Variants in XKR4 observed in about 807,000 individuals in gnomAD.
XKR4 encodes XK related 4.
XKR4 carries 12 observed loss-of-function variants against 53.9 expected under a neutral mutation model. The ratio of observed to expected loss-of-function variants is 0.22; its 90% confidence interval spans 0.14 to 0.36. The LOEUF is 0.36. XKR4 is among the 10% of genes least tolerant of loss of function. The probability of loss-of-function intolerance (pLI) is 1.00; values close to 1 mark genes in which losing one functional copy is unlikely to be tolerated. For synonymous variants in XKR4, 354 were observed against 362.4 expected, an observed-to-expected ratio of 0.98 and a Z score of 0.26; for missense variants, 799 against 859.5, an observed-to-expected ratio of 0.93 and a Z score of 0.88.
chr8:55,169,990 TGA>T (rs1331307560), intron 1 of XKR4, among the ~76,000 whole-genome samples: 1 of 152,186 alleles, frequency 6.6e-6, no homozygotes, highest in African/African-American at 2.4e-5. Flanking sequence ...GCATATATCT[TGA>T]GTTATTAAAA....
At chr8:55,109,742 A>C (rs1816207663) in intron 1 of XKR4, among the ~76,000 whole-genome samples, 2 of 152,206 alleles carry the variant, frequency 1.3e-5, no homozygotes, top group Admixed American at 1.3e-4. Context: ...CGACTAACTT[A>C]ACAGAACAGT....
intron 2 of XKR4, among the ~76,000 whole-genome samples, chr8:55,477,771 G>A (rs985938618): frequency 6.6e-6 from 1 of 152,078 alleles, no homozygotes; most frequent in African/African-American, 2.4e-5. Context: ...AAAGCCTCAG[G>A]AGCTGATGCG....
intron 1 of XKR4, among the ~76,000 whole-genome samples, chr8:55,348,006 A>G (rs1053489966): frequency 6.6e-6 from 1 of 151,964 alleles, no homozygotes; most frequent in Non-Finnish European, 1.5e-5. Context: ...CCCAACCTCC[A>G]CCCTACCTAG....
In XKR4 at chr8:55,102,693, G is replaced by A. The variant is rs1239539682; in HGVS notation, c.205G>A (p.Ala69Thr). 2 of 1,174,784 alleles carry A rather than the reference G, an allele frequency of 1.7e-6. No homozygotes were observed. Among genetic ancestry groups the A allele is most frequent in the Non-Finnish European group, 2.1e-6 (2 of 946,046 alleles). 72.8% of individuals were successfully genotyped at this position (1,174,784 alleles called of 1,614,324 possible). A position where few individuals can be genotyped will look rare whatever the true frequency, so the allele number is the denominator to read the frequency against. ...GGCSRCCCCCAGSGGSAGSGG... is the reference protein window; with the variant it reads ...GGCSRCCCCCTGSGGSAGSGG... ...CTGCTCGCGCTGCTGCTGCTGCTGC[G>A]CCGGGAGTGGCGGCTCCGCGGGCTC... The change falls in exon 1 of 3, where the codon GCC (alanine) becomes ACC (threonine). Residue 69 changes from alanine (A) to threonine (T), a missense_variant. Around this residue, in one of 3 missense-constraint regions of XKR4, gnomAD observed 476 missense variants for 505.4 expected, o/e 0.94. Coordinates refer to ENST00000327381, the MANE Select transcript of XKR4 (RefSeq NM_052898.2). This position sits in a 1 kb window ranked among gnomAD's most constrained non-coding sequence, Gnocchi z 5.1.
rs551864780 is a variant in XKR4 at position 55,404,975 on chromosome 8, A to G, written c.1006+47098A>G. On this transcript the variant is annotated intron_variant, in intron 2 of 2. Transcript: ENST00000327381. ...GCGCTGCGGCTTTATGTGATTTGAC[A>G]TCTTTGCAAAATGCCTGTCTTGCCA... Among the ~76,000 whole-genome samples, 7 of 152,212 alleles carry G rather than the reference A, an allele frequency of 4.6e-5. No individual in the cohort carries two copies. In the East Asian group the frequency reaches 7.7e-4, roughly 17 times the overall value.
At chr8:55,236,079 G>A (rs780998436) in intron 1 of XKR4, among the ~76,000 whole-genome samples, 1 of 152,164 alleles carries the variant, frequency 6.6e-6, no homozygotes, top group South Asian at 2.1e-4. Context: ...TGATCCTAAA[G>A]TGTAACATGT....
In XKR4 at chr8:55,344,749, C is replaced by T. The variant is rs117625697; in HGVS notation, c.807-12929C>T. ...CAGCAACTTCCTCTCCTATTTCAGC[C>T]GGACTCACCAAGTTGCCCAAGAGGC... is the stretch of plus-strand genomic sequence containing the variant. On this transcript the variant is annotated intron_variant, in intron 1 of 2. Transcript: ENST00000327381. Among the ~76,000 whole-genome samples the T allele has an allele frequency of 5.4e-3, 815 of 152,244 alleles. 9 individuals are homozygous for T. Among genetic ancestry groups the T allele is most frequent in the Non-Finnish European group, 8.3e-3 (564 of 68,012 alleles).
At chr8:55,307,204 T>C (rs1241638457) in intron 1 of XKR4, among the ~76,000 whole-genome samples, 1 of 152,166 alleles carries the variant, frequency 6.6e-6, no homozygotes. Context: ...TGAAAAGACA[T>C]GCTGCGGACT....
At chr8:55,491,146 A>G (rs1317894388) in intron 2 of XKR4, among the ~76,000 whole-genome samples, 4 of 152,162 alleles carry the variant, frequency 2.6e-5, no homozygotes, top group Non-Finnish European at 5.9e-5. Flanking sequence ...TATTTCTGAT[A>G]TAACATTTTT....
At chr8:55,301,951 T>C (rs1388909896) in intron 1 of XKR4, among the ~76,000 whole-genome samples, 1 of 152,244 alleles carries the variant, frequency 6.6e-6, no homozygotes, top group Non-Finnish European at 1.5e-5. Flanking sequence ...AGGTTGCCTG[T>C]TCACTCTGAT....
intron 1 of XKR4, among the ~76,000 whole-genome samples, chr8:55,335,863 G>A (rs1404868267): frequency 6.6e-6 from 1 of 151,914 alleles, no homozygotes; most frequent in Non-Finnish European, 1.5e-5. Context: ...TAACATTCTT[G>A]AACTGTCAAA....
chr8:55,443,550 A>AAAAAAAAAC (rs1805300951), intron 2 of XKR4, among the ~76,000 whole-genome samples: 1 of 133,360 alleles, frequency 7.5e-6, no homozygotes, highest in African/African-American at 2.6e-5. Flanking sequence ...AAAAAAAAAA[A>AAAAAAAAAC]AAAAAACAGA....
At chr8:55,103,619 G>A (rs1816091170) in intron 1 of XKR4, among the ~76,000 whole-genome samples, 1 of 151,562 alleles carries the variant, frequency 6.6e-6, no homozygotes, top group Non-Finnish European at 1.5e-5. Context: ...TAGTGATATT[G>A]TTTCAGTGAG....
At chr8:55,410,425 G>T (rs1804758848) in intron 2 of XKR4, among the ~76,000 whole-genome samples, 1 of 152,162 alleles carries the variant, frequency 6.6e-6, no homozygotes, top group Non-Finnish European at 1.5e-5. Flanking sequence ...CCTCACACAT[G>T]TACAAGAACT....
intron 1 of XKR4, among the ~76,000 whole-genome samples, chr8:55,174,215 A>C (rs1817201023): frequency 1.3e-5 from 2 of 152,082 alleles, no homozygotes; most frequent in African/African-American, 4.8e-5. Context: ...CTTTTTTTTT[A>C]AACAATGGGA....
intron 2 of XKR4, among the ~76,000 whole-genome samples, chr8:55,508,064 T>C (rs16921942): frequency 0.12 from 18,615 of 152,122 alleles, 1,263 homozygotes; most frequent in South Asian, 0.16. Flanking sequence ...TTTAAAAGTC[T>C]CTGTCTTGAG....
chr8:55,142,460 C>T (rs1216741901), intron 1 of XKR4: 1 of 180,556 alleles, frequency 5.5e-6, no homozygotes, highest in Non-Finnish European at 1.2e-5. Context: ...CCCAGGGCCT[C>T]CAAACCACAT....
At chr8:55,473,722 A>G (rs1324410458) in intron 2 of XKR4, among the ~76,000 whole-genome samples, 1 of 152,170 alleles carries the variant, frequency 6.6e-6, no homozygotes, top group African/African-American at 2.4e-5. Flanking sequence ...AGTGAAACAC[A>G]TCTTATATTG....
In XKR4 at chr8:55,289,540, A is replaced by AGAAGGAAGGAAGGAAG. The variant is rs142907908; in HGVS notation, c.807-68123_807-68108dup. ...AAAAAAAAAAAAAGAAAAGAAAGAA[A>AGAAGGAAGGAAGGAAG]GAAGGAAGGAAGGAAGGAAGGAAGG... On this transcript the variant is annotated intron_variant, in intron 1 of 2. Transcript: ENST00000327381. 6.7e-4 allele frequency among the ~76,000 whole-genome samples: 69 copies of AGAAGGAAGGAAGGAAG among 102,614 alleles called. 1 individual carries two copies. The highest frequency in any genetic ancestry group is 2.8e-3 in the African/African-American group (66 of 23,970). 67.3% of individuals were successfully genotyped at this position (102,614 alleles called of 152,430 possible). A position where few individuals can be genotyped will look rare whatever the true frequency, so the allele number is the denominator to read the frequency against.
Sources: allele counts gnomAD v4.1 joint callset (sites outside exome capture counted in the v4.1 genomes callset), GRCh38; gene constraint gnomAD v4.1.1; regional missense constraint gnomAD v4.1.1; non-coding constraint Gnocchi (gnomAD v3.1); transcripts MANE v1.5; gene names NCBI Gene and HGNC (gene_info 2026-07-23, HGNC 2026-07-21).